Variants in CSMD1 observed in about 807,000 individuals in gnomAD.
CSMD1 encodes the protein CUB and Sushi multiple domains 1.
CSMD1 carries 213 observed loss-of-function variants against 417.5 expected under a neutral mutation model. The observed-to-expected ratio is 0.51, with a 90% confidence interval of 0.46 to 0.57. The LOEUF (loss-of-function observed/expected upper bound fraction) is 0.57, where lower values mean the gene tolerates loss of function less well. Among genes scored for constraint, CSMD1 ranks in the 20% least tolerant of loss-of-function variants. The pLI is 0.00. For missense variants in CSMD1, 6,923 were observed against 4,529.7 expected (o/e 1.53, Z -15.17); for synonymous variants, 2,862 against 1,736.8 (o/e 1.65, Z -16.11).
chr8:3,321,502 C>G (rs1806153980), intron 23 of CSMD1, among the ~76,000 whole-genome samples: 1 of 152,160 alleles, frequency 6.6e-6, no homozygotes, highest in African/African-American at 2.4e-5. Flanking sequence ...CTGCGTGTAT[C>G]TAATTCTTCC....
At chr8:4,428,005 T>C (rs1797663369) in intron 2 of CSMD1, among the ~76,000 whole-genome samples, 1 of 152,186 alleles carries the variant, frequency 6.6e-6, no homozygotes. Flanking sequence ...GTAAAGATAT[T>C]CCAAGTAGCT....
At chr8:4,317,360 A>T (rs113411324) in intron 3 of CSMD1, among the ~76,000 whole-genome samples, 1 of 152,200 alleles carries the variant, frequency 6.6e-6, no homozygotes, top group Non-Finnish European at 1.5e-5. Flanking sequence ...CGTCTGTGTT[A>T]TAAGCTGTGG....
intron 3 of CSMD1, among the ~76,000 whole-genome samples, chr8:4,166,970 C>T (rs752291455): frequency 1.3e-5 from 2 of 152,180 alleles, no homozygotes; most frequent in Non-Finnish European, 2.9e-5. Context: ...ATGCTGAAGG[C>T]ACTGTGCTTT....
chr8:3,107,617 A>G, intron 45 of CSMD1, 101 bp downstream of exon 45: 1 of 663,254 alleles, frequency 1.5e-6, no homozygotes, highest in Non-Finnish European at 2.5e-6. Context: ...TGTTTCTCTG[A>G]CAAATTACTC....
chr8:4,003,973 C>G (rs961467932), intron 4 of CSMD1, among the ~76,000 whole-genome samples: 4 of 151,992 alleles, frequency 2.6e-5, no homozygotes, highest in Non-Finnish European at 5.9e-5. Context: ...AACTGGAAAA[C>G]ATTCAGAGAC....
chr8:4,901,320 A>G (rs1804856601), intron 1 of CSMD1, among the ~76,000 whole-genome samples: 1 of 152,308 alleles, frequency 6.6e-6, no homozygotes, highest in East Asian at 1.9e-4. Context: ...GTGTCATCTG[A>G]ACACAAAATT....
chr8:4,967,966 C>A (rs191953465), intron 1 of CSMD1, among the ~76,000 whole-genome samples: 1 of 151,712 alleles, frequency 6.6e-6, no homozygotes, highest in Admixed American at 6.6e-5. Flanking sequence ...TAAATAAAGA[C>A]GATAGGTAGA....
chr8:3,527,106 G>T (rs976817944), intron 10 of CSMD1, among the ~76,000 whole-genome samples: 1 of 151,962 alleles, frequency 6.6e-6, no homozygotes, highest in Non-Finnish European at 1.5e-5. Flanking sequence ...AAGGAGCCCA[G>T]AACCCAGAAG....
At chr8:4,732,786 C>G (rs1338549469) in intron 1 of CSMD1, among the ~76,000 whole-genome samples, 1 of 152,186 alleles carries the variant, frequency 6.6e-6, no homozygotes, top group South Asian at 2.1e-4. Flanking sequence ...GTGCCCAAAT[C>G]CTCCAGGATT....
At chr8:3,462,598 A>C (rs1816575278) in intron 12 of CSMD1, among the ~76,000 whole-genome samples, 1 of 152,184 alleles carries the variant, frequency 6.6e-6, no homozygotes, top group African/African-American at 2.4e-5. Flanking sequence ...GTTGCAGGAA[A>C]ACAAGCTCAG....
At chr8:3,992,675 G>A (rs1277929177) in intron 5 of CSMD1, among the ~76,000 whole-genome samples, 2 of 152,160 alleles carry the variant, frequency 1.3e-5, no homozygotes, top group Admixed American at 6.5e-5. Context: ...CAGATACAAG[G>A]AATGCTAAGG....
At chr8:4,691,339 T>C (rs1806756742) in intron 1 of CSMD1, among the ~76,000 whole-genome samples, 1 of 152,188 alleles carries the variant, frequency 6.6e-6, no homozygotes, top group Non-Finnish European at 1.5e-5. Context: ...TACCACAGGC[T>C]GTTATTTCAA....
At chr8:3,230,710 GGA>G (rs1366038025) in intron 26 of CSMD1, among the ~76,000 whole-genome samples, 1 of 152,126 alleles carries the variant, frequency 6.6e-6, no homozygotes, top group Non-Finnish European at 1.5e-5. Flanking sequence ...AAGGTCTAGA[GGA>G]GATGACCAGT....
intron 26 of CSMD1, among the ~76,000 whole-genome samples, chr8:3,274,084 T>C (rs1279614430): frequency 1.3e-5 from 2 of 151,950 alleles, no homozygotes; most frequent in Non-Finnish European, 2.9e-5. Flanking sequence ...AATTTCCCTC[T>C]ACACACTGCT....
At chr8:4,602,030 C>T (rs1487257583) in intron 2 of CSMD1, among the ~76,000 whole-genome samples, 3 of 152,160 alleles carry the variant, frequency 2.0e-5, no homozygotes, top group African/African-American at 7.2e-5. Flanking sequence ...TGCTAGCAGG[C>T]ATTCCCCAAG....
chr8:4,320,058 G>C (rs552659877), intron 3 of CSMD1, among the ~76,000 whole-genome samples: 1 of 152,218 alleles, frequency 6.6e-6, no homozygotes, highest in African/African-American at 2.4e-5. Context: ...GTAAACAAAA[G>C]ACTTCGTTGG....
intron 7 of CSMD1, among the ~76,000 whole-genome samples, chr8:3,650,717 C>T (rs143116941): frequency 2.0e-4 from 30 of 152,312 alleles, no homozygotes; most frequent in African/African-American, 6.7e-4. Context: ...GAAAGGGCAT[C>T]AACGACTCAA....
At chr8:3,942,119 C>T (rs187636107) in intron 5 of CSMD1, among the ~76,000 whole-genome samples, 29 of 151,950 alleles carry the variant, frequency 1.9e-4, no homozygotes, top group Middle Eastern at 3.4e-3. Flanking sequence ...TGATCTGTCA[C>T]GCTGAGATGG....
chr8:4,275,148 C>G (rs148691391), intron 3 of CSMD1, among the ~76,000 whole-genome samples: 65 of 152,182 alleles, frequency 4.3e-4, no homozygotes, highest in African/African-American at 1.4e-3. Context: ...AAAAGAGTAG[C>G]TTTTACGGCA....
Sources: allele counts gnomAD v4.1 joint callset (sites outside exome capture counted in the v4.1 genomes callset), GRCh38; gene constraint gnomAD v4.1.1; transcripts MANE v1.5; gene names NCBI Gene and HGNC (gene_info 2026-07-23, HGNC 2026-07-21).